The following TAOK1 variants were observed in gnomAD, a reference collection of about 807,000 sequenced individuals.
TAOK1 encodes TAO kinase 1.
TAOK1 carries 21 observed loss-of-function variants against 138.3 expected under a neutral mutation model. The observed-to-expected ratio is 0.15, with a 90% CI of 0.11 to 0.22. TAOK1 has a LOEUF of 0.22. Among genes scored for constraint, TAOK1 ranks in the 10% least tolerant of loss-of-function variants. The pLI is 1.00. For synonymous variants in TAOK1, 361 were observed against 398.4 expected, an observed-to-expected ratio of 0.91 and a Z score of 1.12; for missense variants, 651 against 1,227.7, an observed-to-expected ratio of 0.53 and a Z score of 7.02.
At chr17:29,392,145 G>A (rs541474729) in intron 1 of TAOK1, among the ~76,000 whole-genome samples, 173 of 152,280 alleles carry the variant, frequency 1.1e-3, no homozygotes, top group African/African-American at 4.0e-3. Context: ...GAACCCGGGA[G>A]GCGGAGGTTG....
intron 2 of TAOK1, among the ~76,000 whole-genome samples, chr17:29,461,535 A>G (rs1206955954): frequency 6.6e-6 from 1 of 152,212 alleles, no homozygotes; most frequent in Non-Finnish European, 1.5e-5. Flanking sequence ...GTTTTTGTTC[A>G]GCTCCTAAAC....
intron 1 of TAOK1, chr17:29,445,194 C>T (rs139824114): frequency 7.0e-4 from 107 of 152,320 alleles, no homozygotes; most frequent in African/African-American, 2.5e-3. Flanking sequence ...AACAAGCATG[C>T]AATGCGCAAT....
At position 29,395,794 on chromosome 17, in the gene TAOK1, A is replaced by G. The variant is rs370755948; in HGVS notation, c.-95+4770A>G. On this transcript the variant is annotated intron_variant, in intron 1 of 19. Coordinates refer to ENST00000261716, the MANE Select transcript of TAOK1 (RefSeq NM_020791.4). ...CACATCAACCTCCCAAGTAGCTGGCACTACAGGTACATGCCACCACGTCTG... is the reference window on the plus strand; with the variant it reads ...CACATCAACCTCCCAAGTAGCTGGCGCTACAGGTACATGCCACCACGTCTG... Among the ~76,000 whole-genome samples the G allele has an allele frequency of 5.0e-3, 733 of 147,176 alleles. 6 individuals carry two copies. Among genetic ancestry groups the G allele is most frequent in the African/African-American group, 0.016 (616 of 39,352 alleles).
chr17:29,517,709 GA>G (rs1415555928), intron 16 of TAOK1, 53 bp downstream of exon 16: 33 of 1,526,832 alleles, frequency 2.2e-5, no homozygotes, highest in Non-Finnish European at 1.9e-5. Flanking sequence ...AATCTTTCCT[GA>G]AAATATTCCA....
In TAOK1 at chr17:29,419,101, C is replaced by T. The variant is rs550387992; in HGVS notation, c.-95+28077C>T. Among the ~76,000 whole-genome samples, 25 of 151,994 alleles carry T rather than the reference C, an allele frequency of 1.6e-4. No homozygotes were observed. In the East Asian group the frequency reaches 4.1e-3, roughly 25 times the overall value. On this transcript the variant is annotated intron_variant, in intron 1 of 19. Coordinates refer to ENST00000261716, the MANE Select transcript of TAOK1 (RefSeq NM_020791.4). ...AATTTAGTACATTTCTTCATTTATT[C>T]GGGTCTTTTTCTTACTTTTCTCATC... is the stretch of plus-strand genomic sequence containing the variant.
chr17:29,398,433 G>A (rs984090813), intron 1 of TAOK1, among the ~76,000 whole-genome samples: 1 of 151,676 alleles, frequency 6.6e-6, no homozygotes. Flanking sequence ...TCATGAACTC[G>A]TGACCTCAGG....
intron 19 of TAOK1, among the ~76,000 whole-genome samples, chr17:29,538,288 G>A (rs983701988): frequency 6.6e-6 from 1 of 152,084 alleles, no homozygotes; most frequent in Non-Finnish European, 1.5e-5. Context: ...ATGTTAATGT[G>A]ATAGGTTGAT....
intron 2 of TAOK1, among the ~76,000 whole-genome samples, chr17:29,464,736 A>G (rs2030617128): frequency 6.6e-6 from 1 of 152,032 alleles, no homozygotes; most frequent in Non-Finnish European, 1.5e-5. Flanking sequence ...ACAGGTTTCC[A>G]CTAACCAATC....
chr17:29,405,942 CA>C (rs1013624285), intron 1 of TAOK1, among the ~76,000 whole-genome samples: 181 of 152,188 alleles, frequency 1.2e-3, no homozygotes, highest in African/African-American at 4.2e-3. Context: ...TTTATTAATA[CA>C]TTTTTTTGGT....
At chr17:29,418,577 A>G (rs1203333603) in intron 1 of TAOK1, among the ~76,000 whole-genome samples, 1 of 152,150 alleles carries the variant, frequency 6.6e-6, no homozygotes, top group Non-Finnish European at 1.5e-5. Context: ...GATACAATCC[A>G]TGAATGCCTA....
chr17:29,550,758 C>T lies in TAOK1; in HGVS notation c.*7736C>T, dbSNP rs923545853. 22 of 152,296 alleles carry T rather than the reference C, an allele frequency of 1.4e-4. No homozygotes were observed. Among genetic ancestry groups the T allele is most frequent in the Admixed American group, 3.3e-4 (5 of 15,270 alleles). The allele number at this position is 152,296 out of a possible 1,614,324, so 9.4% of individuals were successfully genotyped here. On this transcript the variant is annotated 3_prime_UTR_variant, in exon 20 of 20. Transcript: ENST00000261716. ...ATTTATGTTTTTAGTTTTATGTACTCATTTCCCTTTGTTTTCCTCAAACAG... is the reference window on the plus strand; with the variant it reads ...ATTTATGTTTTTAGTTTTATGTACTTATTTCCCTTTGTTTTCCTCAAACAG...
chr17:29,521,603 G>A (rs2031917032), intron 16 of TAOK1, among the ~76,000 whole-genome samples: 1 of 152,140 alleles, frequency 6.6e-6, no homozygotes, highest in Non-Finnish European at 1.5e-5. Flanking sequence ...TTTCTTTTGA[G>A]AGGGAGTCTC....
chr17:29,494,847 A>AG (rs1275182254), intron 10 of TAOK1, among the ~76,000 whole-genome samples: 55 of 151,594 alleles, frequency 3.6e-4, no homozygotes, highest in South Asian at 2.3e-3. Context: ...AAAAAAAAAA[A>AG]AGAATTCAAG....
intron 19 of TAOK1, among the ~76,000 whole-genome samples, chr17:29,539,708 A>G (rs1229926989): frequency 5.3e-5 from 8 of 152,054 alleles, no homozygotes; most frequent in Admixed American, 5.2e-4. Context: ...AGCTCTTGGG[A>G]TTACAGGCGT....
At chr17:29,408,346 C>T (rs1300373854) in intron 1 of TAOK1, among the ~76,000 whole-genome samples, 2 of 151,818 alleles carry the variant, frequency 1.3e-5, no homozygotes, top group South Asian at 4.2e-4. Context: ...TCACCTCAGC[C>T]TCCCAAGTAG....
chr17:29,525,989 C>T (rs937590848), intron 17 of TAOK1, among the ~76,000 whole-genome samples: 3 of 152,060 alleles, frequency 2.0e-5, no homozygotes, highest in African/African-American at 7.2e-5. Context: ...GAGCGAGACT[C>T]CGTCTCAAAA....
At chr17:29,516,712 G>A (rs2031823027) in intron 15 of TAOK1, among the ~76,000 whole-genome samples, 2 of 151,496 alleles carry the variant, frequency 1.3e-5, no homozygotes, top group Admixed American at 6.6e-5. Context: ...TGTTGGTCAC[G>A]CTGGTCTCGA....
chr17:29,414,575 G>A (rs1474051444), intron 1 of TAOK1, among the ~76,000 whole-genome samples: 1 of 147,274 alleles, frequency 6.8e-6, no homozygotes, highest in Non-Finnish European at 1.5e-5. Context: ...TTATTTATTT[G>A]AGATGGAGTC....
chr17:29,514,258 A>G (rs75211057), intron 15 of TAOK1: 2 of 152,204 alleles, frequency 1.3e-5, no homozygotes, highest in African/African-American at 2.4e-5. Flanking sequence ...TGAATATTTT[A>G]TTAACTAAAG....
Sources: allele counts gnomAD v4.1 joint callset (sites outside exome capture counted in the v4.1 genomes callset), GRCh38; gene constraint gnomAD v4.1.1; transcripts MANE v1.5; gene names NCBI Gene and HGNC (gene_info 2026-07-23, HGNC 2026-07-21).